Variants in XIRP2 observed in about 807,000 individuals in gnomAD.
XIRP2 encodes xin actin binding repeat containing 2.
XIRP2 carries 236 observed loss-of-function variants against 277.0 expected under a neutral mutation model. The observed-to-expected ratio is 0.85, with a 90% CI of 0.77 to 0.95. XIRP2 has a LOEUF of 0.95. Ranked by LOEUF, XIRP2 falls within the 40% of genes least tolerant of loss-of-function variation. The pLI is 0.00. For synonymous variants in XIRP2, 1,490 were observed against 1,416.5 expected (o/e 1.05, Z -1.17); for missense variants, 4,640 against 4,157.5 (o/e 1.12, Z -3.19).
At chr2:167,185,039 T>C (rs1004389927) in intron 3 of XIRP2, among the ~76,000 whole-genome samples, 1 of 152,150 alleles carries the variant, frequency 6.6e-6, no homozygotes, top group African/African-American at 2.4e-5. Flanking sequence ...TTCATAATAA[T>C]TGATTAAACT....
intron 2 of XIRP2, among the ~76,000 whole-genome samples, chr2:167,129,822 A>T (rs1691322384): frequency 6.6e-6 from 1 of 150,908 alleles, no homozygotes; most frequent in Non-Finnish European, 1.5e-5. Flanking sequence ...GTGAGCTGAG[A>T]TCGCGCCATT....
chr2:167,066,863 A>G (rs1166891268), intron 2 of XIRP2, among the ~76,000 whole-genome samples: 2 of 152,170 alleles, frequency 1.3e-5, no homozygotes, highest in Non-Finnish European at 2.9e-5. Context: ...ACATTATGCC[A>G]AGTAAAACAA....
intron 10 of XIRP2, among the ~76,000 whole-genome samples, chr2:167,254,550 T>A (rs1185917359): frequency 6.6e-6 from 1 of 151,890 alleles, no homozygotes; most frequent in South Asian, 2.1e-4. Flanking sequence ...GCCGTACTGC[T>A]TCTGTCACTA....
intron 2 of XIRP2, among the ~76,000 whole-genome samples, chr2:167,127,731 A>G (rs1287607545): frequency 2.0e-5 from 3 of 152,188 alleles, no homozygotes; most frequent in Non-Finnish European, 2.9e-5. Flanking sequence ...AACATGTCAA[A>G]AACTTAATTC....
chr2:167,155,649 G>T (rs1402746549), intron 3 of XIRP2, among the ~76,000 whole-genome samples: 7 of 151,996 alleles, frequency 4.6e-5, no homozygotes, highest in African/African-American at 7.3e-5. Context: ...CATACTGAAT[G>T]CGCAAAAACT....
chr2:167,175,938 A>C (rs1256927780), intron 3 of XIRP2, among the ~76,000 whole-genome samples: 1 of 152,118 alleles, frequency 6.6e-6, no homozygotes, highest in Non-Finnish European at 1.5e-5. Context: ...CCACCTACTC[A>C]AGCCTCAGTA....
At chr2:167,026,888 G>A (rs1200252477) in intron 2 of XIRP2, among the ~76,000 whole-genome samples, 1 of 151,968 alleles carries the variant, frequency 6.6e-6, no homozygotes, top group Non-Finnish European at 1.5e-5. Context: ...TTATTCTGAC[G>A]GGCTTCCCTT....
intron 2 of XIRP2, among the ~76,000 whole-genome samples, chr2:166,943,521 A>T (rs934685855): frequency 2.0e-5 from 3 of 152,150 alleles, no homozygotes; most frequent in African/African-American, 7.2e-5. Flanking sequence ...CTTCATATAC[A>T]TTTTACTTCA....
chr2:167,101,470 C>A (rs1690484613), intron 2 of XIRP2, among the ~76,000 whole-genome samples: 1 of 152,162 alleles, frequency 6.6e-6, no homozygotes, highest in African/African-American at 2.4e-5. Context: ...CCCTCACCCA[C>A]TTCCCACCAT....
At chr2:167,210,951 T>G in intron 4 of XIRP2, 56 bp downstream of exon 4, 1 of 1,589,702 alleles carries the variant, frequency 6.3e-7, no homozygotes, top group Non-Finnish European at 8.6e-7. Flanking sequence ...CTGTCCCAAT[T>G]CCCTCTTTAT....
chr2:166,925,596 C>CATATATATATATAT (rs3060398), intron 2 of XIRP2, among the ~76,000 whole-genome samples: 2 of 102,450 alleles, frequency 2.0e-5, no homozygotes, highest in Non-Finnish European at 4.7e-5. Flanking sequence ...TGTGTATATA[C>CATATATATATATAT]ATATATATAT....
At chr2:167,104,269 A>G (rs1463930826) in intron 2 of XIRP2, among the ~76,000 whole-genome samples, 6 of 152,128 alleles carry the variant, frequency 3.9e-5, no homozygotes, top group Non-Finnish European at 8.8e-5. Flanking sequence ...TTTTTAAAAT[A>G]AGCATGCACA....
chr2:167,172,526 A>G (rs1213494796), intron 3 of XIRP2, among the ~76,000 whole-genome samples: 5 of 152,166 alleles, frequency 3.3e-5, no homozygotes, highest in Non-Finnish European at 7.3e-5. Flanking sequence ...ATCCACAACT[A>G]TAAAAGACAG....
chr2:167,032,695 A>G (rs1367860725), intron 2 of XIRP2, among the ~76,000 whole-genome samples: 1 of 152,148 alleles, frequency 6.6e-6, no homozygotes, highest in Non-Finnish European at 1.5e-5. Context: ...TATGAAAAAA[A>G]GCTCATCATC....
intron 2 of XIRP2, among the ~76,000 whole-genome samples, chr2:167,065,277 G>T (rs1306405550): frequency 6.6e-6 from 1 of 151,528 alleles, no homozygotes; most frequent in Non-Finnish European, 1.5e-5. Context: ...TTTTTCCATG[G>T]TTCATTGGCC....
intron 3 of XIRP2, among the ~76,000 whole-genome samples, chr2:167,185,122 T>G (rs1205351150): frequency 1.3e-5 from 2 of 152,172 alleles, no homozygotes; most frequent in Non-Finnish European, 2.9e-5. Flanking sequence ...TAGGTCCTGA[T>G]GTTTTCATTG....
intron 3 of XIRP2, among the ~76,000 whole-genome samples, chr2:167,201,261 A>G (rs1366749438): frequency 0.021 from 2,105 of 100,538 alleles, 122 homozygotes; most frequent in African/African-American, 0.086. Flanking sequence ...AAAGAAAGAA[A>G]GAGAGAGGGA....
At chr2:166,930,566 T>C (rs1158231722) in intron 2 of XIRP2, among the ~76,000 whole-genome samples, 1 of 152,130 alleles carries the variant, frequency 6.6e-6, no homozygotes, top group Non-Finnish European at 1.5e-5. Context: ...AGAAACTTGA[T>C]TGTATGATAG....
intron 2 of XIRP2, among the ~76,000 whole-genome samples, chr2:166,923,268 T>C (rs1295287939): frequency 6.6e-6 from 1 of 152,088 alleles, no homozygotes; most frequent in Non-Finnish European, 1.5e-5. Flanking sequence ...TAGCAATGTG[T>C]TTTGCCTCGA....
Sources: gnomAD v4.1 joint callset for allele counts (sites outside exome capture counted in the v4.1 genomes callset) on GRCh38, gnomAD v4.1.1 for gene constraint, MANE v1.5 for transcripts, NCBI Gene and HGNC (gene_info 2026-07-23, HGNC 2026-07-21) for gene names.